The following PER2 variants were observed in gnomAD, a reference collection of about 807,000 sequenced individuals.
The protein encoded by PER2 is period circadian regulator 2.
In PER2, 66 loss-of-function variants were observed where a neutral mutation model predicts 121.0. The observed-to-expected ratio is 0.55, with a 90% CI of 0.45 to 0.67. PER2 has a LOEUF of 0.67. Ranked by LOEUF, PER2 falls within the 30% of genes least tolerant of loss-of-function variation. PER2 has a pLI of 0.00. For missense variants in PER2, 1,521 were observed against 1,635.0 expected (o/e 0.93, Z 1.20); for synonymous variants, 684 against 659.9 (o/e 1.04, Z -0.56).
chr2:238,278,108 T>C (rs375109926), intron 1 of PER2, among the ~76,000 whole-genome samples, 153 bp from the exon 2 acceptor site: 48 of 135,638 alleles, frequency 3.5e-4, no homozygotes, highest in African/African-American at 1.4e-3. Context: ...CTCTCTTTCT[T>C]TCTTTCTACT....
Position 238,268,714 on chromosome 2 carries a change from G to A in PER2, c.824+209C>T, listed in dbSNP as rs1245449887. The stretch of plus-strand genomic sequence containing the variant: ...AGAGAGAAAGTGCAGGTCCATGAGG[G>A]GCAGGTTAAAGCACTCCACTGCTGG... On this transcript the variant is annotated intron_variant, in intron 7 of 22. Transcript: ENST00000254657. The surrounding 1 kb of genome is among the most constrained non-coding windows in gnomAD (Gnocchi z 4.0). Among the ~76,000 whole-genome samples, 1 of 152,208 alleles carries A rather than the reference G, an allele frequency of 6.6e-6. No individual in the cohort carries two copies. The highest frequency in any genetic ancestry group is 1.5e-5 in the Non-Finnish European group (1 of 68,038).
intron 17 of PER2, 113 bp downstream of exon 17, chr2:238,256,809 C>CT: frequency 9.0e-7 from 1 of 1,109,060 alleles, no homozygotes; most frequent in Non-Finnish European, 1.3e-6. Flanking sequence ...GAAACGCCCC[C>CT]TATCGGGCTA....
At position 238,282,559 on chromosome 2, in the gene PER2, A is replaced by G. The variant is rs530968935; in HGVS notation, c.-19-4604T>C. Among the ~76,000 whole-genome samples, 10 of 152,396 alleles carry G rather than the reference A, an allele frequency of 6.6e-5. No individual in the cohort carries two copies. The South Asian group carries it at 1.7e-3, about 25-fold the overall frequency. On this transcript the variant is annotated intron_variant, in intron 1 of 22. Coordinates refer to ENST00000254657, the MANE Select transcript of PER2 (RefSeq NM_022817.3). ...AAGACTGATGTGGGGAGAGTCTCAGACATAGATGAACAAGTCCAAGAACAA... is the reference window on the plus strand; with the variant it reads ...AAGACTGATGTGGGGAGAGTCTCAGGCATAGATGAACAAGTCCAAGAACAA...
chr2:238,261,930 G>A, intron 11 of PER2, 93 bp from the exon 12 acceptor site: 1 of 909,826 alleles, frequency 1.1e-6, no homozygotes, highest in East Asian at 2.6e-5. Flanking sequence ...CTGCCTGGGT[G>A]GGCCCTCTGC....
In PER2 at chr2:238,268,775, A is replaced by G. The variant is rs780198508; in HGVS notation, c.824+148T>C. On this transcript the variant is annotated intron_variant, in intron 7 of 22. Coordinates refer to ENST00000254657, the MANE Select transcript of PER2 (RefSeq NM_022817.3). The surrounding 1 kb of genome is among the most constrained non-coding windows in gnomAD (Gnocchi z 4.0). ...AGCGACCTGTACACATTTAAAATGTAACTGACTGTGTTTTCTGGTAGACTT... is the reference window on the plus strand; with the variant it reads ...AGCGACCTGTACACATTTAAAATGTGACTGACTGTGTTTTCTGGTAGACTT... 39 of 688,062 alleles carry G rather than the reference A, an allele frequency of 5.7e-5. No individual in the cohort carries two copies. The highest frequency in any genetic ancestry group is 8.9e-5 in the Non-Finnish European group (34 of 380,530). The allele number at this position is 688,062 out of a possible 1,614,324, so 42.6% of individuals were successfully genotyped here.
intron 22 of PER2, 178 bp downstream of exon 22, chr2:238,248,884 T>C: frequency 2.8e-6 from 2 of 711,318 alleles, no homozygotes; most frequent in South Asian, 2.8e-5. Flanking sequence ...CTCGATCTCC[T>C]GACCTCGTGA....
intron 20 of PER2, among the ~76,000 whole-genome samples, chr2:238,251,191 AGAGT>A (rs1484354381): frequency 6.6e-6 from 1 of 152,204 alleles, no homozygotes; most frequent in Non-Finnish European, 1.5e-5. Flanking sequence ...AATTTTGTGG[AGAGT>A]GTGTACATTT....
At chr2:238,288,693 C>A (rs571139578), upstream of PER2, 1 of 151,204 alleles carries the variant, frequency 6.6e-6, no homozygotes, top group African/African-American at 2.4e-5. Flanking sequence ...CGCCGACTCG[C>A]GGCTCTGTCC....
intron 2 of PER2, 77 bp from the exon 3 acceptor site, chr2:238,277,270 T>C: frequency 1.1e-6 from 1 of 951,622 alleles, no homozygotes; most frequent in Non-Finnish European, 1.7e-6. Flanking sequence ...ATCCTACCAG[T>C]GATAACAGGC....
At chr2:238,286,047 G>C (rs1185637242) in intron 1 of PER2, among the ~76,000 whole-genome samples, 1 of 152,082 alleles carries the variant, frequency 6.6e-6, no homozygotes, top group Non-Finnish European at 1.5e-5. Flanking sequence ...GCACCGGGGA[G>C]GCATTGTCTT....
upstream of PER2, among the ~76,000 whole-genome samples, chr2:238,294,250 T>A (rs1417337043): frequency 1.3e-5 from 2 of 152,204 alleles, no homozygotes; most frequent in Non-Finnish European, 2.9e-5. Flanking sequence ...CTAGTGTGCG[T>A]CCTGCAAGGC....
In PER2 at chr2:238,255,732, T is replaced by C; in HGVS notation, c.2245A>G (p.Arg749Gly). ...TGGGACTGGAAAATGCTGAGTTTTC[T>C]TATTTCTTTGAACTTCTGCAGGAAG... ...QSFLQKFKEI[R>G]KLSIFQSHCH... The change falls in exon 18 of 23, where the codon AGA becomes GGA. Residue 749 changes from arginine (R) to glycine (G), a missense_variant. Arg to Gly is a moderately radical substitution (Grantham distance 125, BLOSUM62 -2). Coordinates refer to ENST00000254657, the MANE Select transcript of PER2 (RefSeq NM_022817.3). 2 of 1,614,264 alleles carry C rather than the reference T, an allele frequency of 1.2e-6. No homozygotes were observed. Among genetic ancestry groups the C allele is most frequent in the South Asian group, 2.2e-5 (2 of 91,088 alleles).
rs528815259 is a variant in PER2 at position 238,280,689 on chromosome 2, G to C, written c.-19-2734C>G. Among the ~76,000 whole-genome samples, 6 of 152,248 alleles carry C rather than the reference G, an allele frequency of 3.9e-5. No homozygotes were observed. In the East Asian group the frequency reaches 1.2e-3, roughly 29 times the overall value. ...CAAAGGGAAAGGAGAAGAGAAGAGA[G>C]ATGGAGGACAGCCGGGTTTTACCTG... On this transcript the variant is annotated intron_variant, in intron 1 of 22. Transcript: ENST00000254657.
At chr2:238,269,193 T>C (rs1172367824) in intron 6 of PER2, among the ~76,000 whole-genome samples, 3 of 152,276 alleles carry the variant, frequency 2.0e-5, no homozygotes, top group East Asian at 1.9e-4. Context: ...TTACAAATTA[T>C]GCAGTGCTAA....
Position 238,277,816 on chromosome 2 carries a change from G to A in PER2, c.121C>T (p.His41Tyr). 6.2e-7 allele frequency: 1 copy of A among 1,614,216 alleles called. No individual in the cohort carries two copies. Among genetic ancestry groups the A allele is most frequent in the African/African-American group, 1.3e-5 (1 of 75,062 alleles). Residue 41 changes from histidine to tyrosine, a missense_variant, in exon 2 of 23, where the codon CAT becomes TAT. Transcript: ENST00000254657. ...GTGGAGCAGTTTTCGTTGGTCTCAT[G>A]TCCACTGGAGCCACTGCTCATGTCC... ...DVDMSSGSSG[H>Y]ETNENCSTGR...
At chr2:238,288,872 A>G (rs914757857), upstream of PER2, among the ~76,000 whole-genome samples, 9 of 151,664 alleles carry the variant, frequency 5.9e-5, no homozygotes, top group Non-Finnish European at 1.2e-4. Context: ...ATCTGCATAC[A>G]TGAGGGGCGG....
At chr2:238,277,385 A>G (rs1696487050) in intron 2 of PER2, among the ~76,000 whole-genome samples, 192 bp from the exon 3 acceptor site, 1 of 152,190 alleles carries the variant, frequency 6.6e-6, no homozygotes, top group Non-Finnish European at 1.5e-5. Flanking sequence ...GGACACAGAA[A>G]CACATGATAA....
chr2:238,247,685 G>A (rs990349070), intron 22 of PER2, among the ~76,000 whole-genome samples: 3 of 152,340 alleles, frequency 2.0e-5, no homozygotes, highest in South Asian at 4.1e-4. Flanking sequence ...CATGTGCGAA[G>A]ATCCTGTGGC....
rs1025168216 is a variant in PER2, at chr2:238,275,217, A to G, written c.448+526T>C. 3.3e-5 allele frequency among the ~76,000 whole-genome samples: 5 copies of G among 152,320 alleles called. No homozygotes were observed. In the South Asian group the frequency reaches 1.0e-3, roughly 32 times the overall value. ...GCATGTGCGCAACACATGAAAAGGC[A>G]CAGCTCCACAGTCGGGAGGTGCTCA... On this transcript the variant is annotated intron_variant, in intron 4 of 22. Transcript: ENST00000254657.
Sources: gnomAD v4.1 joint callset for allele counts (sites outside exome capture counted in the v4.1 genomes callset) on GRCh38, gnomAD v4.1.1 for gene constraint, Gnocchi (gnomAD v3.1) non-coding constraint, MANE v1.5 for transcripts, NCBI Gene and HGNC (gene_info 2026-07-23, HGNC 2026-07-21) for gene names.